DYNC1I1: variants seen among roughly 807,000 people sequenced by gnomAD.
DYNC1I1 encodes dynein cytoplasmic 1 intermediate chain 1.
A neutral mutation model predicts 86.6 loss-of-function variants in DYNC1I1; 43 were observed. The ratio of observed to expected loss-of-function variants is 0.50; its 90% CI spans 0.39 to 0.64. The LOEUF (loss-of-function observed/expected upper bound fraction) is 0.64. Among genes scored for constraint, DYNC1I1 ranks in the 30% least tolerant of loss-of-function variants. DYNC1I1 has a pLI of 0.00. For synonymous variants in DYNC1I1, 262 were observed against 283.7 expected, an observed-to-expected ratio of 0.92 and a Z score of 0.77; for missense variants, 604 against 788.8, an observed-to-expected ratio of 0.77 and a Z score of 2.81.
intron 6 of DYNC1I1, among the ~76,000 whole-genome samples, chr7:95,934,129 C>CT (rs1791976643): frequency 1.3e-5 from 2 of 152,046 alleles, no homozygotes; most frequent in Non-Finnish European, 2.9e-5. Flanking sequence ...ATTTCTTGGA[C>CT]TAAAAACTGC....
intron 16 of DYNC1I1, among the ~76,000 whole-genome samples, chr7:96,107,178 C>T (rs1791229317): frequency 6.6e-6 from 1 of 152,096 alleles, no homozygotes; most frequent in South Asian, 2.1e-4. Context: ...AGGTGCCCAC[C>T]ACCATACCTG....
At chr7:96,028,005 T>A (rs1794721397) in intron 10 of DYNC1I1, among the ~76,000 whole-genome samples, 170 bp from the exon 11 acceptor site, 1 of 152,216 alleles carries the variant, frequency 6.6e-6, no homozygotes, top group Non-Finnish European at 1.5e-5. Flanking sequence ...GTCCTGTGCC[T>A]ATGTACAAAA....
intron 1 of DYNC1I1, among the ~76,000 whole-genome samples, chr7:95,781,114 C>T (rs1033057414): frequency 6.6e-6 from 1 of 152,126 alleles, no homozygotes; most frequent in Non-Finnish European, 1.5e-5. Context: ...TCTTTGAATG[C>T]CTTCAGGCTC....
intron 14 of DYNC1I1, among the ~76,000 whole-genome samples, chr7:96,040,006 G>A (rs1337837138): frequency 2.6e-5 from 4 of 152,066 alleles, no homozygotes; most frequent in South Asian, 4.2e-4. Context: ...GGCCGAGGTG[G>A]GTGGATCGCT....
intron 10 of DYNC1I1, among the ~76,000 whole-genome samples, chr7:96,016,072 G>GCTTT (rs1794394278): frequency 6.6e-6 from 1 of 151,996 alleles, no homozygotes; most frequent in South Asian, 2.1e-4. Flanking sequence ...TTCTACCTTT[G>GCTTT]GCCTCATTGC....
intron 10 of DYNC1I1, among the ~76,000 whole-genome samples, chr7:96,021,477 A>T (rs1794550095): frequency 2.6e-5 from 4 of 152,222 alleles, no homozygotes; most frequent in Admixed American, 2.6e-4. Context: ...GGTAAGTTTC[A>T]TGAGGTCAGA....
intron 6 of DYNC1I1, among the ~76,000 whole-genome samples, chr7:95,872,930 T>C (rs889153712): frequency 2.0e-5 from 3 of 152,180 alleles, no homozygotes; most frequent in African/African-American, 7.2e-5. Flanking sequence ...TTTATTATAG[T>C]GAGTGAGTGC....
intron 6 of DYNC1I1, among the ~76,000 whole-genome samples, chr7:95,918,394 C>T (rs12673728): frequency 0.14 from 21,348 of 152,086 alleles, 1,553 homozygotes; most frequent in Middle Eastern, 0.22. Flanking sequence ...TTTCCTTTCT[C>T]TTGTTCTTCT....
At chr7:96,110,108 C>T (rs866718389), downstream of DYNC1I1, 6 of 443,402 alleles carry the variant, frequency 1.4e-5, no homozygotes, top group African/African-American at 6.1e-5. Context: ...GTTATATCAG[C>T]TACTGAGAGA....
At chr7:95,815,315 TTA>T (rs1347165178) in intron 4 of DYNC1I1, among the ~76,000 whole-genome samples, 4 of 152,130 alleles carry the variant, frequency 2.6e-5, no homozygotes, top group Non-Finnish European at 4.4e-5. Context: ...CTTCAATTCT[TTA>T]TAGGAAAGTT....
At chr7:96,035,913 GT>G (rs1320536365) in intron 13 of DYNC1I1, among the ~76,000 whole-genome samples, 161 bp downstream of exon 13, 4 of 152,120 alleles carry the variant, frequency 2.6e-5, no homozygotes, top group African/African-American at 9.7e-5. Context: ...ATCTGCTCTG[GT>G]CATTAGCTGT....
At chr7:95,814,170 C>T (rs1374583081) in intron 4 of DYNC1I1, among the ~76,000 whole-genome samples, 3 of 152,132 alleles carry the variant, frequency 2.0e-5, no homozygotes, top group Non-Finnish European at 4.4e-5. Context: ...GCTGGTTGAG[C>T]TCACATGATA....
At chr7:96,029,193 G>A (rs1280696470) in intron 11 of DYNC1I1, among the ~76,000 whole-genome samples, 1 of 152,152 alleles carries the variant, frequency 6.6e-6, no homozygotes, top group Non-Finnish European at 1.5e-5. Flanking sequence ...TCCTACTCTT[G>A]TAAGATTATC....
intron 14 of DYNC1I1, among the ~76,000 whole-genome samples, chr7:96,060,463 A>G (rs1233091856): frequency 2.6e-5 from 4 of 152,218 alleles, no homozygotes; most frequent in African/African-American, 9.6e-5. Flanking sequence ...CAAGAAGGAA[A>G]CCCACAGCCC....
intron 6 of DYNC1I1, among the ~76,000 whole-genome samples, chr7:95,940,891 C>T (rs1366020451): frequency 1.3e-5 from 2 of 152,184 alleles, no homozygotes; most frequent in African/African-American, 4.8e-5. Flanking sequence ...TTAGAGTTTC[C>T]AGTTTTTCTG....
At chr7:96,010,310 G>A (rs779734609) in intron 10 of DYNC1I1, among the ~76,000 whole-genome samples, 7 of 152,142 alleles carry the variant, frequency 4.6e-5, no homozygotes, top group East Asian at 1.9e-4. Context: ...GGTTAGGTTC[G>A]TTTGTGGAAA....
intron 5 of DYNC1I1, among the ~76,000 whole-genome samples, chr7:95,863,660 G>A (rs1789946939): frequency 6.6e-6 from 1 of 151,954 alleles, no homozygotes; most frequent in Non-Finnish European, 1.5e-5. Flanking sequence ...ATTTTTCAAG[G>A]TAACTAGAAA....
At chr7:96,070,003 A>G (rs915436889) in intron 14 of DYNC1I1, among the ~76,000 whole-genome samples, 9 of 152,188 alleles carry the variant, frequency 5.9e-5, no homozygotes, top group Middle Eastern at 3.2e-3. Flanking sequence ...CACTATACAT[A>G]GTCCATTGAG....
chr7:96,076,296 A>G (rs532056812), intron 15 of DYNC1I1, 99 bp downstream of exon 15: 75 of 1,503,874 alleles, frequency 5.0e-5, no homozygotes, highest in Non-Finnish European at 6.5e-5. Flanking sequence ...CCTTTTTTGG[A>G]CAGACCTTCC....
Sources: allele counts gnomAD v4.1 joint callset (sites outside exome capture counted in the v4.1 genomes callset), GRCh38; gene constraint gnomAD v4.1.1; transcripts MANE v1.5; gene names NCBI Gene and HGNC (gene_info 2026-07-23, HGNC 2026-07-21).